Variants in CAMKK2 observed in about 807,000 individuals in gnomAD.
CAMKK2 encodes calcium/calmodulin dependent protein kinase kinase 2, also known as calcium/calmodulin-dependent protein kinase kinase 2.
CAMKK2 carries 30 observed loss-of-function variants against 67.2 expected under a neutral mutation model. The ratio of observed to expected loss-of-function variants is 0.45; its 90% CI spans 0.33 to 0.61. The LOEUF is 0.61. CAMKK2 is among the 20% of genes least tolerant of loss of function. The pLI is 0.02. For missense variants in CAMKK2, 643 were observed against 802.0 expected, an observed-to-expected ratio of 0.80 and a Z score of 2.39; for synonymous variants, 322 against 326.2, an observed-to-expected ratio of 0.99 and a Z score of 0.14.
chr12:121,246,391 C>T (rs1317785029), intron 14 of CAMKK2, among the ~76,000 whole-genome samples: 1 of 151,768 alleles, frequency 6.6e-6, no homozygotes, highest in Non-Finnish European at 1.5e-5. Flanking sequence ...ACTAAAAATA[C>T]AAAAATTAGC....
intron 2 of CAMKK2, among the ~76,000 whole-genome samples, chr12:121,271,800 C>T (rs1284595238): frequency 1.3e-5 from 2 of 152,152 alleles, no homozygotes; most frequent in Non-Finnish European, 2.9e-5. Flanking sequence ...CTCCGCCTCC[C>T]AGATTCAAGC....
chr12:121,260,090 AT>A (rs1173689854), intron 7 of CAMKK2, among the ~76,000 whole-genome samples: 2 of 152,262 alleles, frequency 1.3e-5, no homozygotes, highest in East Asian at 3.8e-4. Context: ...CTCAAAAAAA[AT>A]AAATACATGC....
At chr12:121,246,298 C>T (rs1192798676) in intron 14 of CAMKK2, among the ~76,000 whole-genome samples, 1 of 151,614 alleles carries the variant, frequency 6.6e-6, no homozygotes, top group African/African-American at 2.4e-5. Flanking sequence ...GTAATACCAG[C>T]ACTTTGGGAG....
chr12:121,248,789 C>T lies in CAMKK2; in HGVS notation c.1324-55G>A. On this transcript the variant is annotated intron_variant, in intron 13 of 16. Coordinates refer to ENST00000404169, the MANE Select transcript of CAMKK2 (RefSeq NM_001270485.2). ...CAGGTGTGGCTGGCTACCGGGGGGC[C>T]CTGCCAGCGAGCGGAGCCACAAGGG... 4.4e-6 allele frequency: 7 copies of T among 1,606,712 alleles called. No individual in the cohort carries two copies. In the South Asian group the frequency reaches 7.7e-5, roughly 18 times the overall value.
At chr12:121,280,917 A>T (rs891681291) in intron 1 of CAMKK2, among the ~76,000 whole-genome samples, 6 of 151,268 alleles carry the variant, frequency 4.0e-5, no homozygotes. Context: ...CTGTGATCTC[A>T]CCCTGCCTCC....
rs1474882856 is a variant in CAMKK2 at position 121,240,971 on chromosome 12, C to T, written c.1597-102G>A. ...TGGGCCCCCTGCCCAAGTGGGCCGT[C>T]GCGCACCCCCTGGAACGTGATCTAC... On this transcript the variant is annotated intron_variant, in intron 16 of 16. Transcript: ENST00000404169. This position sits in a 1 kb window ranked among gnomAD's most constrained non-coding sequence, Gnocchi z 4.4. 2 of 1,130,474 alleles carry T rather than the reference C, an allele frequency of 1.8e-6. No individual in the cohort carries two copies. Among genetic ancestry groups the T allele is most frequent in the African/African-American group, 3.1e-5 (2 of 64,790 alleles). The allele number at this position is 1,130,474 out of a possible 1,614,324, so 70.0% of individuals were successfully genotyped here.
chr12:121,254,393 G>A (rs527663250), intron 9 of CAMKK2, among the ~76,000 whole-genome samples: 17 of 152,138 alleles, frequency 1.1e-4, no homozygotes, highest in Non-Finnish European at 2.4e-4. Flanking sequence ...AGGAGGCAGA[G>A]GTTGCAGTGA....
At position 121,239,658 on chromosome 12, in the gene CAMKK2, C is replaced by T. The variant is rs1015539376; in HGVS notation, c.*1041G>A. ...GCTAGGATTTAAAATGAAAACAAAA[C>T]CTTAGCAGTCTTTAGAATATACAGG... On this transcript the variant is annotated 3_prime_UTR_variant, in exon 17 of 17. Transcript: ENST00000404169. The T allele has an allele frequency of 6.6e-6, 1 of 152,174 alleles. No individual in the cohort carries two copies. The highest frequency in any genetic ancestry group is 2.4e-5 in the African/African-American group (1 of 41,442). The allele number at this position is 152,174 out of a possible 1,614,324, so 9.4% of individuals were successfully genotyped here. A position where few individuals can be genotyped will look rare whatever the true frequency, so the allele number is the denominator to read the frequency against.
intron 1 of CAMKK2, among the ~76,000 whole-genome samples, chr12:121,282,769 CTTTTT>C (rs1433769662): frequency 3.0e-5 from 4 of 134,560 alleles, no homozygotes; most frequent in Admixed American, 2.1e-4. Context: ...CTTTTCTTTT[CTTTTT>C]GACAGAGTCT....
chr12:121,278,058 G>A lies in CAMKK2; in HGVS notation c.-59-3473C>T, dbSNP rs1436661095. 4.6e-5 allele frequency among the ~76,000 whole-genome samples: 7 copies of A among 152,292 alleles called. No individual in the cohort carries two copies. In the East Asian group the frequency reaches 1.3e-3, roughly 29 times the overall value. On this transcript the variant is annotated intron_variant, in intron 1 of 16. Coordinates refer to ENST00000404169, the MANE Select transcript of CAMKK2 (RefSeq NM_001270485.2). Reference sequence around the variant, plus strand: ...GATGATAAGGCCTAGGATGCTACGGGATCAGACGGGGCAGGAGGTCAGGAG... The same window carrying A: ...GATGATAAGGCCTAGGATGCTACGGAATCAGACGGGGCAGGAGGTCAGGAG...
At chr12:121,256,286 C>A (rs1892274677) in intron 7 of CAMKK2, among the ~76,000 whole-genome samples, 1 of 152,026 alleles carries the variant, frequency 6.6e-6, no homozygotes. Context: ...GGCTGAGGCA[C>A]AAGAATCACT....
chr12:121,254,645 C>CA (rs1234517718), intron 9 of CAMKK2, among the ~76,000 whole-genome samples: 3 of 151,618 alleles, frequency 2.0e-5, no homozygotes, highest in African/African-American at 4.8e-5. Context: ...GAATAAGAGA[C>CA]AAAAAAAATA....
rs2686349 is a variant in CAMKK2, at chr12:121,285,626, T to C, written c.-60+11012A>G. ...GAGTTTGAGACCAGCCTGGGCAACA[T>C]GGCGAGACCTCATCGCTACAAAAAT... On this transcript the variant is annotated intron_variant, in intron 1 of 16. Transcript: ENST00000404169. This position sits in a 1 kb window ranked among gnomAD's most constrained non-coding sequence, Gnocchi z 4.1. Among the ~76,000 whole-genome samples, 24,061 of 151,996 alleles carry C rather than the reference T, an allele frequency of 0.16. 2,893 individuals carry two copies. The highest frequency in any genetic ancestry group is 0.34 in the African/African-American group (14,181 of 41,432).
chr12:121,292,802 T>C (rs7953337), intron 1 of CAMKK2, among the ~76,000 whole-genome samples: 4,850 of 151,776 alleles, frequency 0.032, 280 homozygotes, highest in African/African-American at 0.11. Flanking sequence ...ACCCTGTTTC[T>C]ATAAAGAAAT....
intron 16 of CAMKK2, among the ~76,000 whole-genome samples, chr12:121,242,886 G>A (rs1267306997): frequency 6.6e-6 from 1 of 152,082 alleles, no homozygotes; most frequent in Non-Finnish European, 1.5e-5. Flanking sequence ...GGGACTACAG[G>A]CGCCCGCCAC....
At chr12:121,275,420 G>A (rs1023978864) in intron 1 of CAMKK2, among the ~76,000 whole-genome samples, 1 of 145,464 alleles carries the variant, frequency 6.9e-6, no homozygotes, top group Non-Finnish European at 1.5e-5. Context: ...GGAGGCGGAG[G>A]TTGCAGTGAG....
At chr12:121,255,303 T>A (rs1305739938) in intron 9 of CAMKK2, among the ~76,000 whole-genome samples, 1 of 23,058 alleles carries the variant, frequency 4.3e-5, no homozygotes, top group African/African-American at 1.4e-4. Context: ...TATATATAAT[T>A]TTATATATAA....
chr12:121,297,299 C>T (rs143835365), upstream of CAMKK2: 350 of 256,094 alleles, frequency 1.4e-3, no homozygotes, highest in African/African-American at 7.1e-3. Context: ...AGGCGCCGGG[C>T]GGTGGATGCG....
chr12:121,260,661 G>T (rs2136300289), intron 6 of CAMKK2: 1 of 521,696 alleles, frequency 1.9e-6, no homozygotes, highest in Non-Finnish European at 3.3e-6. Flanking sequence ...TAAGAATCCA[G>T]CCTATCTCCG....
Sources: allele counts gnomAD v4.1 joint callset (sites outside exome capture counted in the v4.1 genomes callset), GRCh38; gene constraint gnomAD v4.1.1; non-coding constraint Gnocchi (gnomAD v3.1); transcripts MANE v1.5; gene names NCBI Gene and HGNC (gene_info 2026-07-23, HGNC 2026-07-21).